Variants in RNF170 observed in about 807,000 individuals in gnomAD.
RNF170 encodes the protein ring finger protein 170.
In RNF170, 12 loss-of-function variants were observed where a neutral mutation model predicts 32.7. The observed-to-expected ratio is 0.37, with a 90% CI of 0.24 to 0.60. RNF170 has a LOEUF of 0.60. RNF170 is among the 20% of genes least tolerant of loss of function. The pLI is 0.72. For missense variants in RNF170, 212 were observed against 311.2 expected (o/e 0.68, Z 2.40); for synonymous variants, 91 against 103.6 (o/e 0.88, Z 0.74).
intron 2 of RNF170, among the ~76,000 whole-genome samples, chr8:42,884,402 AT>A (rs570820652): frequency 5.3e-5 from 8 of 151,690 alleles, no homozygotes; most frequent in Non-Finnish European, 1.0e-4. Context: ...TTTTTTTTCT[AT>A]TGCTGCTGCA....
rs1803229841 is a variant in RNF170 at position 42,856,129 on chromosome 8, A to G, written c.*30T>C. 6.2e-7 allele frequency: 1 copy of G among 1,610,740 alleles called. No homozygotes were observed. Among genetic ancestry groups the G allele is most frequent in the Admixed American group, 1.7e-5 (1 of 59,980 alleles). On this transcript the variant is annotated 3_prime_UTR_variant, in exon 7 of 7. Transcript: ENST00000527424. The stretch of plus-strand genomic sequence containing the variant: ...TTTGATGTTCTACATTAGCTCAGAT[A>G]TCCTAGTAAACTCAGTTTTGTTTTC...
At chr8:42,881,012 T>A (rs899497790) in intron 2 of RNF170, among the ~76,000 whole-genome samples, 1 of 152,242 alleles carries the variant, frequency 6.6e-6, no homozygotes, top group African/African-American at 2.4e-5. Flanking sequence ...AACATAACTT[T>A]TATATGCACT....
upstream of RNF170, chr8:42,896,999 C>G: frequency 1.8e-6 from 1 of 552,420 alleles, no homozygotes; most frequent in East Asian, 3.5e-5. Context: ...CAGCGCTGGG[C>G]GAGAGTCGGC....
Position 42,861,729 on chromosome 8 carries a change from C to CTTTA in RNF170, c.507+12_507+15dup. ...GTGTCTTCCTCTAACTTTGAACATG[C>CTTTA]TTTAGCATTACTTACAGATCTGGGT... On this transcript the variant is annotated intron_variant, in intron 6 of 6. Transcript: ENST00000527424. 6.4e-7 allele frequency: 1 copy of CTTTA among 1,558,064 alleles called. No individual in the cohort carries two copies. The highest frequency in any genetic ancestry group is 2.2e-5 in the East Asian group (1 of 44,592).
chr8:42,882,111 C>A (rs905401694), intron 2 of RNF170, among the ~76,000 whole-genome samples: 12 of 152,114 alleles, frequency 7.9e-5, no homozygotes, highest in African/African-American at 2.4e-4. Context: ...ACAGTGTTGG[C>A]AAGGAAGTAG....
At chr8:42,887,912 A>G in intron 1 of RNF170, 41 bp from the exon 2 acceptor site, 1 of 1,570,354 alleles carries the variant, frequency 6.4e-7, no homozygotes, top group Non-Finnish European at 8.8e-7. Context: ...CAAATGACAC[A>G]GTGAAAATGA....
intron 2 of RNF170, among the ~76,000 whole-genome samples, chr8:42,876,592 G>T (rs1020051948): frequency 1.3e-5 from 2 of 150,994 alleles, no homozygotes; most frequent in African/African-American, 4.9e-5. Context: ...CCAGCCTCTC[G>T]AACTGTGAGA....
chr8:42,856,925 T>A (rs553301265), intron 6 of RNF170, among the ~76,000 whole-genome samples: 10 of 152,296 alleles, frequency 6.6e-5, no homozygotes, highest in African/African-American at 2.4e-4. Flanking sequence ...AAAGGTTCCC[T>A]GGCAAGCGGA....
chr8:42,856,037 A>G lies in RNF170; in HGVS notation c.*122T>C, dbSNP rs1803223025. The G allele has an allele frequency of 2.5e-6, 4 of 1,576,140 alleles. No individual in the cohort carries two copies. The highest frequency in any genetic ancestry group is 2.6e-6 in the Non-Finnish European group (3 of 1,162,322). ...AATGATAATCAAATGTTTGTCTTAT[A>G]GTGGTTTTATATTTGTGAGATAATA... On this transcript the variant is annotated 3_prime_UTR_variant, in exon 7 of 7. Transcript: ENST00000527424.
At chr8:42,858,579 T>G (rs1198611529) in intron 6 of RNF170, among the ~76,000 whole-genome samples, 1 of 152,178 alleles carries the variant, frequency 6.6e-6, no homozygotes, top group Admixed American at 6.5e-5. Context: ...GAGTGCTGTC[T>G]ATGATAAACG....
chr8:42,860,593 T>C (rs1032992291), intron 6 of RNF170, among the ~76,000 whole-genome samples: 3 of 151,874 alleles, frequency 2.0e-5, no homozygotes, highest in Non-Finnish European at 4.4e-5. Context: ...CAGCTAATTT[T>C]TGTATTTTTA....
At chr8:42,859,268 G>T (rs1335950904) in intron 6 of RNF170, among the ~76,000 whole-genome samples, 1 of 152,208 alleles carries the variant, frequency 6.6e-6, no homozygotes, top group African/African-American at 2.4e-5. Context: ...AAAAGTAGAA[G>T]TGAGGAGGCC....
At chr8:42,897,223 C>T (rs1025833702), upstream of RNF170, 13 of 1,217,916 alleles carry the variant, frequency 1.1e-5, no homozygotes, top group South Asian at 4.2e-5. Flanking sequence ...GGAAGACCCC[C>T]TCCCCCCGCC....
At chr8:42,883,586 A>T (rs2128948484) in intron 2 of RNF170, among the ~76,000 whole-genome samples, 1 of 151,256 alleles carries the variant, frequency 6.6e-6, no homozygotes, top group East Asian at 1.9e-4. Context: ...AAAAAAAAAA[A>T]AAAAAAAGGT....
rs755579516 is a variant in RNF170, at chr8:42,861,838, T to C, written c.414A>G (p.Thr138=). ...ICRQTVTLLL[T]VFGEDDQSQD... Reference sequence around the variant, plus strand: ...GAGACTGATCATCTTCACCAAATACTGTTAGGAGTAAGGTTACCTGTATAT... The same window carrying C: ...GAGACTGATCATCTTCACCAAATACCGTTAGGAGTAAGGTTACCTGTATAT... The change falls in exon 6 of 7, where the codon ACA becomes ACG. Residue 138 remains threonine, a synonymous_variant. Transcript: ENST00000527424. 1.9e-6 allele frequency: 3 copies of C among 1,613,460 alleles called. 1 individual carries two copies. The highest frequency in any genetic ancestry group is 2.5e-6 in the Non-Finnish European group (3 of 1,179,814).
At chr8:42,852,071 C>G (rs575899508), downstream of RNF170, among the ~76,000 whole-genome samples, 93 of 152,294 alleles carry the variant, frequency 6.1e-4, no homozygotes, top group Admixed American at 1.2e-3. Flanking sequence ...ACTAGGTTGT[C>G]ACCTGGGAGG....
chr8:42,870,954 A>C (rs1719352047), intron 3 of RNF170, among the ~76,000 whole-genome samples: 1 of 151,970 alleles, frequency 6.6e-6, no homozygotes, highest in Admixed American at 6.6e-5. Flanking sequence ...CACACCTGTA[A>C]CCCCAGCACT....
chr8:42,890,207 C>CAT (rs769147543), intron 1 of RNF170, among the ~76,000 whole-genome samples: 2 of 149,108 alleles, frequency 1.3e-5, no homozygotes, highest in South Asian at 2.1e-4. Context: ...TACTGTACAA[C>CAT]ATATATATAA....
At chr8:42,872,366 T>G (rs933839147) in intron 3 of RNF170, among the ~76,000 whole-genome samples, 1 of 152,226 alleles carries the variant, frequency 6.6e-6, no homozygotes, top group Non-Finnish European at 1.5e-5. Flanking sequence ...GAAATCACTT[T>G]GTAAATTATA....
Sources: gnomAD v4.1 joint callset for allele counts (sites outside exome capture counted in the v4.1 genomes callset) on GRCh38, gnomAD v4.1.1 for gene constraint, MANE v1.5 for transcripts, NCBI Gene and HGNC (gene_info 2026-07-23, HGNC 2026-07-21) for gene names.